Variants in PDE1C observed in about 807,000 individuals in gnomAD.
The protein encoded by PDE1C is phosphodiesterase 1C.
In PDE1C, 62 loss-of-function variants were observed where a neutral mutation model predicts 93.1. The ratio of observed to expected loss-of-function variants is 0.67; its 90% CI spans 0.54 to 0.82. The LOEUF is 0.82. PDE1C is among the 40% of genes least tolerant of loss of function. PDE1C has a pLI of 0.00. For synonymous variants in PDE1C, 325 were observed against 310.1 expected (o/e 1.05, Z -0.50); for missense variants, 742 against 884.6 (o/e 0.84, Z 2.04).
At chr7:32,195,568 G>A (rs925612965) in intron 2 of PDE1C, among the ~76,000 whole-genome samples, 1 of 152,138 alleles carries the variant, frequency 6.6e-6, no homozygotes, top group African/African-American at 2.4e-5. Flanking sequence ...GTTTAATTAT[G>A]AGGCTGGGTT....
the PDE1C span, among the ~76,000 whole-genome samples, chr7:31,622,856 G>A: frequency 2.1e-3 from 325 of 152,130 alleles, 4 homozygotes; most frequent in African/African-American, 6.7e-3. Context: ...TTGATAGACC[G>A]CTAGCAAGAC....
At position 32,002,688 on chromosome 7, in the gene PDE1C, C is replaced by A. The variant is rs531356759; in HGVS notation, c.128+48866G>T. On this transcript the variant is annotated intron_variant, in intron 2 of 17. Coordinates refer to ENST00000396191, the MANE Select transcript of PDE1C (RefSeq NM_001191057.4). ...CCCCCATCCCAATAAGAATTATGTGCCACCTCTTATGAAATTTTGCACAGA... is the reference window on the plus strand; with the variant it reads ...CCCCCATCCCAATAAGAATTATGTGACACCTCTTATGAAATTTTGCACAGA... Among the ~76,000 whole-genome samples the A allele has an allele frequency of 2.6e-5, 4 of 152,190 alleles. No homozygotes were observed. In the South Asian group the frequency reaches 6.2e-4, roughly 24 times the overall value.
intron 2 of PDE1C, among the ~76,000 whole-genome samples, chr7:32,045,663 C>A (rs1792448911): frequency 6.6e-6 from 1 of 152,140 alleles, no homozygotes; most frequent in Non-Finnish European, 1.5e-5. Flanking sequence ...CTTTTAATTG[C>A]AAAGGTAGGG....
intron 9 of PDE1C, among the ~76,000 whole-genome samples, chr7:31,841,520 T>C (rs776954437): frequency 3.7e-4 from 56 of 152,278 alleles, no homozygotes; most frequent in Middle Eastern, 3.4e-3. Flanking sequence ...ACATGCACTT[T>C]ATCCAGTTGA....
chr7:32,404,062 G>C (rs573104139), intron 1 of PDE1C, among the ~76,000 whole-genome samples: 2 of 152,216 alleles, frequency 1.3e-5, no homozygotes, highest in East Asian at 3.9e-4. Context: ...AACTGCCTGG[G>C]CTTCGAAGTG....
chr7:32,277,677 A>C (rs1287091161), intron 1 of PDE1C, among the ~76,000 whole-genome samples: 1 of 152,198 alleles, frequency 6.6e-6, no homozygotes, highest in South Asian at 2.1e-4. Flanking sequence ...AGAAAGAGAA[A>C]GATGCTTCAA....
intron 1 of PDE1C, among the ~76,000 whole-genome samples, chr7:32,349,723 G>A (rs755559182): frequency 2.6e-5 from 4 of 151,966 alleles, no homozygotes; most frequent in Non-Finnish European, 5.9e-5. Context: ...TCCACCTCTC[G>A]GGTTCAAGCG....
intron 9 of PDE1C, among the ~76,000 whole-genome samples, chr7:31,843,792 A>G (rs1164662213): frequency 1.3e-5 from 2 of 151,130 alleles, no homozygotes; most frequent in East Asian, 1.9e-4. Context: ...TATTTTTTGT[A>G]TTATTTATTT....
At chr7:31,677,872 A>G in the PDE1C span, among the ~76,000 whole-genome samples, 1 of 152,166 alleles carries the variant, frequency 6.6e-6, no homozygotes, top group Non-Finnish European at 1.5e-5. Context: ...AGATAATTTT[A>G]TATGTGGGAA....
intron 16 of PDE1C, among the ~76,000 whole-genome samples, chr7:31,777,443 C>A (rs34207094): frequency 1.3e-5 from 2 of 152,086 alleles, no homozygotes; most frequent in African/African-American, 2.4e-5. Flanking sequence ...ATTCCCCTGC[C>A]TCAGCCTCCT....
intron 3 of PDE1C, among the ~76,000 whole-genome samples, chr7:32,147,708 C>T (rs986786244): frequency 3.3e-5 from 5 of 152,086 alleles, no homozygotes; most frequent in African/African-American, 1.2e-4. Flanking sequence ...CCCACCCCCC[C>T]TCCAAGCATT....
intron 3 of PDE1C, among the ~76,000 whole-genome samples, chr7:32,086,982 A>C (rs1488182523): frequency 6.6e-6 from 1 of 151,966 alleles, no homozygotes; most frequent in Non-Finnish European, 1.5e-5. Context: ...AGCAATGGCA[A>C]CAAAAGCCAA....
At chr7:31,630,002 A>G in the PDE1C span, among the ~76,000 whole-genome samples, 4 of 152,164 alleles carry the variant, frequency 2.6e-5, no homozygotes, top group African/African-American at 7.2e-5. Flanking sequence ...ACACACACAC[A>G]AAATTGCTAG....
At chr7:32,342,921 G>A (rs1316650449) in intron 1 of PDE1C, among the ~76,000 whole-genome samples, 1 of 152,074 alleles carries the variant, frequency 6.6e-6, no homozygotes, top group Non-Finnish European at 1.5e-5. Context: ...CGAAACTTAG[G>A]GTTCAAGTAA....
At chr7:31,754,347 A>G (rs1293949788) in intron 17 of PDE1C, among the ~76,000 whole-genome samples, 1 of 152,228 alleles carries the variant, frequency 6.6e-6, no homozygotes, top group African/African-American at 2.4e-5. Flanking sequence ...GAAGCTAGAC[A>G]TAGTCTTACC....
chr7:32,341,173 C>CTATTTTT (rs796122014), intron 1 of PDE1C, among the ~76,000 whole-genome samples: 1,250 of 84,942 alleles, frequency 0.015, 52 homozygotes, highest in Middle Eastern at 0.048. Context: ...GAAATAAAGT[C>CTATTTTT]TTTTTTTTTT....
intron 1 of PDE1C, among the ~76,000 whole-genome samples, chr7:32,294,242 C>T (rs184004230): frequency 1.1e-3 from 172 of 152,334 alleles, no homozygotes; most frequent in African/African-American, 4.0e-3. Flanking sequence ...TCTGGTACAA[C>T]CCAAGGAGGG....
rs1809498152 is a variant in PDE1C, at chr7:32,252,930, A to G, written c.86-43391T>C. On this transcript the variant is annotated intron_variant, in intron 1 of 18. Transcript: ENST00000396193. ...TTGTGTCCCTTCTCATGGCCTAACC[A>G]TAACAAACAGCTCATACACCAGCTC... is the stretch of plus-strand genomic sequence containing the variant. Among the ~76,000 whole-genome samples the G allele has an allele frequency of 2.6e-5, 4 of 152,340 alleles. No homozygotes were observed. In the South Asian group the frequency reaches 8.3e-4, roughly 32 times the overall value.
the PDE1C span, among the ~76,000 whole-genome samples, chr7:31,694,168 TAAAC>T: frequency 6.6e-6 from 1 of 152,140 alleles, no homozygotes; most frequent in African/African-American, 2.4e-5. Context: ...ATATGTTACT[TAAAC>T]AAAAATGCTG....
Sources: gnomAD v4.1 joint callset for allele counts (sites outside exome capture counted in the v4.1 genomes callset) on GRCh38, gnomAD v4.1.1 for gene constraint, MANE v1.5 for transcripts, NCBI Gene and HGNC (gene_info 2026-07-23, HGNC 2026-07-21) for gene names.